Variants in SCD5 observed in about 807,000 individuals in gnomAD.
SCD5 encodes the protein acyl-CoA-desaturase 4.
SCD5 carries 20 observed loss-of-function variants against 30.4 expected under a neutral mutation model. The observed-to-expected ratio is 0.66, with a 90% CI of 0.46 to 0.96. The LOEUF is 0.96. SCD5 is among the 40% of genes least tolerant of loss of function. SCD5 has a pLI of 0.00. For synonymous variants in SCD5, 173 were observed against 176.4 expected (o/e 0.98, Z 0.16); for missense variants, 381 against 443.3 (o/e 0.86, Z 1.26).
intron 3 of SCD5, among the ~76,000 whole-genome samples, chr4:82,648,687 T>C (rs1039915818): frequency 6.6e-6 from 1 of 152,188 alleles, no homozygotes; most frequent in Non-Finnish European, 1.5e-5. Context: ...TGAGCAGCTG[T>C]CATTTCTGTT....
intron 1 of SCD5, among the ~76,000 whole-genome samples, chr4:82,721,769 T>C (rs1048207202): frequency 4.6e-5 from 7 of 152,222 alleles, no homozygotes; most frequent in Admixed American, 2.6e-4. Context: ...TGACAACACA[T>C]CTCTATTGCT....
intron 2 of SCD5, among the ~76,000 whole-genome samples, chr4:82,695,214 G>A (rs755856439): frequency 2.0e-5 from 3 of 152,038 alleles, no homozygotes; most frequent in Non-Finnish European, 4.4e-5. Context: ...ATAACAGTGA[G>A]GTTGGATTTC....
chr4:82,731,527 G>C (rs1720643377), intron 1 of SCD5, among the ~76,000 whole-genome samples: 1 of 152,230 alleles, frequency 6.6e-6, no homozygotes, highest in Non-Finnish European at 1.5e-5. Context: ...CAGCAAGTAA[G>C]AGCATAAACC....
intron 1 of SCD5, among the ~76,000 whole-genome samples, chr4:82,730,585 C>CTT (rs397935360): frequency 0.079 from 9,085 of 114,612 alleles, 603 homozygotes; most frequent in African/African-American, 0.15. Flanking sequence ...TTTTTCCCTT[C>CTT]TTTTTTTTTT....
chr4:82,685,549 C>A (rs1728684452), intron 2 of SCD5, among the ~76,000 whole-genome samples: 1 of 151,868 alleles, frequency 6.6e-6, no homozygotes, highest in African/African-American at 2.4e-5. Context: ...CCCATCTCGA[C>A]TAAAAATACA....
intron 1 of SCD5, among the ~76,000 whole-genome samples, chr4:82,796,467 C>T (rs1353948542): frequency 1.3e-5 from 2 of 152,070 alleles, no homozygotes; most frequent in Non-Finnish European, 2.9e-5. Flanking sequence ...AACAAAGGTT[C>T]TATCTTCACC....
Position 82,680,796 on chromosome 4 carries a change from A to G in SCD5, c.480T>C (p.Phe160=). The G allele has an allele frequency of 6.2e-7, 1 of 1,613,896 alleles. No individual in the cohort carries two copies. Among genetic ancestry groups the G allele is most frequent in the Non-Finnish European group, 8.5e-7 (1 of 1,180,010 alleles). ...CAATAACATCTCGATGCTTGCGAAC[A>G]AACAGCCACCCAATATGGGAGAAGA... ...GFFFSHIGWL[F]VRKHRDVIEK... Residue 160 remains phenylalanine (F), a synonymous_variant, in exon 3 of 5, where the codon TTT becomes TTC. Coordinates refer to ENST00000319540, the MANE Select transcript of SCD5 (RefSeq NM_001037582.3).
intron 3 of SCD5, chr4:82,660,340 ACT>A (rs897470955): frequency 1.9e-6 from 1 of 531,764 alleles, no homozygotes; most frequent in Middle Eastern, 9.5e-4. Context: ...CATCTATGGA[ACT>A]CTCCACCCCA....
chr4:82,697,375 A>G (rs1719718100), intron 2 of SCD5, among the ~76,000 whole-genome samples: 1 of 152,234 alleles, frequency 6.6e-6, no homozygotes, highest in South Asian at 2.1e-4. Context: ...AGTGGTTAGA[A>G]ATATATCCAC....
intron 2 of SCD5, among the ~76,000 whole-genome samples, chr4:82,694,128 C>T (rs573670772): frequency 2.6e-5 from 4 of 152,360 alleles, no homozygotes; most frequent in African/African-American, 7.2e-5. Flanking sequence ...GTACACTGTC[C>T]ACCCAGGCAT....
At chr4:82,657,643 A>G (rs1228543285) in intron 3 of SCD5, among the ~76,000 whole-genome samples, 2 of 152,184 alleles carry the variant, frequency 1.3e-5, no homozygotes, top group East Asian at 1.9e-4. Context: ...AAGAAAGTCA[A>G]TGGTAGCTTG....
rs534174319 is a variant in SCD5, at chr4:82,650,524, C to T, written c.570-13701G>A. Among the ~76,000 whole-genome samples, 21 of 152,126 alleles carry T rather than the reference C, an allele frequency of 1.4e-4. 1 individual carries two copies. The highest frequency in any genetic ancestry group is 2.6e-4 in the Admixed American group (4 of 15,270). ...CAGCTTGGGCAACATGGCAAAACCG[C>T]GTCTCTACAAAAAATACAAAAATTA... On this transcript the variant is annotated intron_variant, in intron 3 of 4. Coordinates refer to ENST00000319540, the MANE Select transcript of SCD5 (RefSeq NM_001037582.3).
chr4:82,655,744 T>A (rs1395188039), intron 3 of SCD5, among the ~76,000 whole-genome samples: 1 of 152,224 alleles, frequency 6.6e-6, no homozygotes, highest in Admixed American at 6.5e-5. Flanking sequence ...AACTTTCACA[T>A]GTATTAACTA....
intron 3 of SCD5, among the ~76,000 whole-genome samples, chr4:82,658,852 A>C (rs989064256): frequency 6.6e-6 from 1 of 151,974 alleles, no homozygotes; most frequent in African/African-American, 2.4e-5. Flanking sequence ...GTCTCATCAA[A>C]TGAGTTAGGG....
chr4:82,747,921 AGAGG>A (rs1267274448), intron 1 of SCD5, among the ~76,000 whole-genome samples: 1 of 152,230 alleles, frequency 6.6e-6, no homozygotes, highest in Non-Finnish European at 1.5e-5. Context: ...AGGAAGAGAG[AGAGG>A]AAGAGCTGAT....
intron 1 of SCD5, among the ~76,000 whole-genome samples, chr4:82,712,382 A>AG (rs1393417425): frequency 2.8e-5 from 4 of 142,532 alleles, no homozygotes; most frequent in Non-Finnish European, 6.1e-5. Flanking sequence ...CAATGGCGTG[A>AG]TCTCGGCTTA....
intron 3 of SCD5, among the ~76,000 whole-genome samples, chr4:82,662,067 T>A (rs1728022875): frequency 6.6e-6 from 1 of 152,190 alleles, no homozygotes; most frequent in South Asian, 2.1e-4. Context: ...ATTTATTTAT[T>A]TATGAGACAG....
chr4:82,672,382 T>C (rs1728345257), intron 3 of SCD5, among the ~76,000 whole-genome samples: 1 of 152,024 alleles, frequency 6.6e-6, no homozygotes, highest in Non-Finnish European at 1.5e-5. Context: ...ACAGATCCCA[T>C]GGATATTAAA....
At chr4:82,657,173 A>T (rs1298575353) in intron 3 of SCD5, among the ~76,000 whole-genome samples, 2 of 152,162 alleles carry the variant, frequency 1.3e-5, no homozygotes, top group African/African-American at 4.8e-5. Flanking sequence ...GTCTTTGCTC[A>T]TGACTATGTC....
Sources: gnomAD v4.1 joint callset for allele counts (sites outside exome capture counted in the v4.1 genomes callset) on GRCh38, gnomAD v4.1.1 for gene constraint, MANE v1.5 for transcripts, NCBI Gene and HGNC (gene_info 2026-07-23, HGNC 2026-07-21) for gene names.